Variants in USP42 observed in about 807,000 individuals in gnomAD.
USP42 encodes the protein ubiquitin specific peptidase 42.
USP42 carries 23 observed loss-of-function variants against 113.0 expected under a neutral mutation model. The ratio of observed to expected loss-of-function variants is 0.20; its 90% CI spans 0.15 to 0.29. The LOEUF (loss-of-function observed/expected upper bound fraction) is 0.29, where lower values mean the gene tolerates loss of function less well. Among genes scored for constraint, USP42 ranks in the 10% least tolerant of loss-of-function variants. The pLI is 1.00. For missense variants in USP42, 2,174 were observed against 1,779.8 expected, an observed-to-expected ratio of 1.22 and a Z score of -3.99; for synonymous variants, 933 against 699.0, an observed-to-expected ratio of 1.33 and a Z score of -5.28.
At chr7:6,130,711 G>A (rs1396403425) in intron 3 of USP42, among the ~76,000 whole-genome samples, 1 of 152,162 alleles carries the variant, frequency 6.6e-6, no homozygotes, top group African/African-American at 2.4e-5. Context: ...CTTCTGTGAT[G>A]TTTTAATGTC....
chr7:6,139,911 C>T lies in USP42; in HGVS notation c.657-217C>T. The T allele has an allele frequency of 3.4e-6, 2 of 586,866 alleles. No homozygotes were observed. The highest frequency in any genetic ancestry group is 2.0e-5 in the South Asian group (1 of 49,524). 36.4% of individuals were successfully genotyped at this position (586,866 alleles called of 1,614,324 possible). A position where few individuals can be genotyped will look rare whatever the true frequency, so the allele number is the denominator to read the frequency against. ...GTCCCTTCCTGACAGACACAGCTCC[C>T]ACAGCTCTGCGTCTCCTCCCGCCAC... On this transcript the variant is annotated intron_variant, in intron 5 of 17. Transcript: ENST00000306177. This position sits in a 1 kb window ranked among gnomAD's most constrained non-coding sequence, Gnocchi z 4.5.
rs748019396 is a variant in USP42 at position 6,154,370 on chromosome 7, A to G, written c.2816A>G (p.Lys939Arg). The G allele has an allele frequency of 6.3e-6, 10 of 1,576,400 alleles. No homozygotes were observed. Among genetic ancestry groups the G allele is most frequent in the African/African-American group, 1.4e-5 (1 of 73,890 alleles). ...APKAPGPSPA[K>R]EKIGSLRKVD... ...AAAGCCCCAGGCCCTTCCCCAGCGAAGGAGAAAATCGGCAGCCTCAGAAAG... is the reference window on the plus strand; with the variant it reads ...AAAGCCCCAGGCCCTTCCCCAGCGAGGGAGAAAATCGGCAGCCTCAGAAAG... The change falls in exon 15 of 18, where the codon AAG (lysine) becomes AGG (arginine). Residue 939 changes from lysine to arginine, a missense_variant. Lys to Arg is a conservative substitution (Grantham distance 26). Coordinates refer to ENST00000306177, the MANE Select transcript of USP42 (RefSeq NM_032172.3).
chr7:6,114,654 GTGTATA>G lies in USP42; in HGVS notation c.242-667_242-662del, dbSNP rs373906321. ...TGTGTGTGTATATATGTATGTGTGT[GTGTATA>G]TATATATATATATATATATTTTTTT... On this transcript the variant is annotated intron_variant, in intron 2 of 17. Coordinates refer to ENST00000306177, the MANE Select transcript of USP42 (RefSeq NM_032172.3). Among the ~76,000 whole-genome samples, 392 of 69,234 alleles carry G rather than the reference GTGTATA, an allele frequency of 5.7e-3. 8 individuals are homozygous for G. Among genetic ancestry groups the G allele is most frequent in the African/African-American group, 9.5e-3 (114 of 11,942 alleles). 45.4% of individuals were successfully genotyped at this position (69,234 alleles called of 152,430 possible). A position where few individuals can be genotyped will look rare whatever the true frequency, so the allele number is the denominator to read the frequency against.
rs554435551 is a variant in USP42, at chr7:6,160,944, A to T, written c.*426A>T. The T allele has an allele frequency of 9.2e-5, 14 of 152,758 alleles. No individual in the cohort carries two copies. Among genetic ancestry groups the T allele is most frequent in the African/African-American group, 3.4e-4 (14 of 41,592 alleles). 9.5% of individuals were successfully genotyped at this position (152,758 alleles called of 1,614,324 possible). ...GTACAAACTGACAGTGTGTATATTT[A>T]ATTTAAAGACTTATTTAAAAACTCA... On this transcript the variant is annotated 3_prime_UTR_variant, in exon 18 of 18. Coordinates refer to ENST00000306177, the MANE Select transcript of USP42 (RefSeq NM_032172.3).
chr7:6,092,859 A>T, the USP42 span, among the ~76,000 whole-genome samples: 9 of 151,214 alleles, frequency 6.0e-5, no homozygotes. Flanking sequence ...TTAATGTCTT[A>T]TGTTGGTGTG....
Position 6,154,706 on chromosome 7 carries a change from C to T in USP42, c.3152C>T (p.Pro1051Leu), listed in dbSNP as rs560027095. The change falls in exon 15 of 18, where the codon CCC becomes CTC. Residue 1051 changes from proline to leucine, a missense_variant. Physicochemically the swap from Pro to Leu is moderately conservative, Grantham distance 98 (BLOSUM62 -3). Coordinates refer to ENST00000306177, the MANE Select transcript of USP42 (RefSeq NM_032172.3). ...GGCTGGGGCCGGGAGAAGTTCTACC[C>T]CGACAGGCCGCGCTGGGACAGGTGC... ...ERGWGREKFY[P>L]DRPRWDRCRY... The T allele has an allele frequency of 1.5e-5, 24 of 1,598,798 alleles. No homozygotes were observed. The highest frequency in any genetic ancestry group is 2.0e-5 in the Non-Finnish European group (24 of 1,173,894).
chr7:6,113,627 T>C (rs1779721269), intron 2 of USP42, among the ~76,000 whole-genome samples: 1 of 152,060 alleles, frequency 6.6e-6, no homozygotes, highest in Non-Finnish European at 1.5e-5. Context: ...GTTTTTGTTT[T>C]TGTTTTTTTT....
At chr7:6,092,056 T>C in the USP42 span, among the ~76,000 whole-genome samples, 13 of 62,878 alleles carry the variant, frequency 2.1e-4, no homozygotes, top group East Asian at 1.2e-3. Context: ...TCTTCTTCTT[T>C]CTTCTTCTTC....
At chr7:6,092,575 A>G in the USP42 span, among the ~76,000 whole-genome samples, 3 of 151,260 alleles carry the variant, frequency 2.0e-5, no homozygotes, top group African/African-American at 7.4e-5. Flanking sequence ...TACCTTCCTC[A>G]TTTGAGGCAT....
chr7:6,119,781 G>T (rs1167562300), intron 3 of USP42, among the ~76,000 whole-genome samples: 1 of 151,830 alleles, frequency 6.6e-6, no homozygotes, highest in Non-Finnish European at 1.5e-5. Context: ...AGAGCTCACT[G>T]CAGCCTTGAC....
chr7:6,154,085 G>T lies in USP42; in HGVS notation c.2531G>T (p.Arg844Leu). ...AAGGGGATGATCGCGGAGGGCCCGC[G>T]GGACTCGGCGTTGGCGGAAGCCCCG... The part of the protein sequence containing the change: ...DAKGMIAEGP[R>L]DSALAEAPEG... The change falls in exon 15 of 18, where the codon CGG (arginine) becomes CTG (leucine). Residue 844 changes from arginine to leucine, a missense_variant. Transcript: ENST00000306177. 1 of 1,605,692 alleles carries T rather than the reference G, an allele frequency of 6.2e-7. No individual in the cohort carries two copies. Among genetic ancestry groups the T allele is most frequent in the Non-Finnish European group, 8.5e-7 (1 of 1,179,066 alleles).
At chr7:6,152,000 A>T (rs1352515553) in intron 14 of USP42, among the ~76,000 whole-genome samples, 1 of 152,220 alleles carries the variant, frequency 6.6e-6, no homozygotes, top group Non-Finnish European at 1.5e-5. Flanking sequence ...AAGGATTCTG[A>T]AATTATAGAT....
In USP42 at chr7:6,154,496, G is replaced by GCCGCACCTGCCC. The variant is rs1562856785; in HGVS notation, c.2946_2957dup (p.Thr983_Arg986dup). ...ACTGAGGGCCACCGTCACCGGCGGC[G>GCCGCACCTGCCC]CCGCACCTGCCCCCGGGAGCGCGAC... On this transcript the variant is annotated inframe_insertion, in exon 15 of 18. Transcript: ENST00000306177. 1 of 1,544,322 alleles carries GCCGCACCTGCCC rather than the reference G, an allele frequency of 6.5e-7. No homozygotes were observed. Among genetic ancestry groups the GCCGCACCTGCCC allele is most frequent in the Admixed American group, 2.0e-5 (1 of 50,816 alleles).
At chr7:6,148,444 C>T (rs1371638256) in intron 12 of USP42, among the ~76,000 whole-genome samples, 1 of 152,222 alleles carries the variant, frequency 6.6e-6, no homozygotes, top group African/African-American at 2.4e-5. Context: ...TTTAGGTCCC[C>T]TCTGGACTTC....
the USP42 span, among the ~76,000 whole-genome samples, chr7:6,098,377 G>A: frequency 6.7e-6 from 1 of 149,838 alleles, no homozygotes; most frequent in African/African-American, 2.5e-5. Context: ...AGGCCCCGTA[G>A]TATCCATTCC....
Position 6,157,399 on chromosome 7 carries a change from A to AT in USP42, c.3943+347dup. 4 of 984,554 alleles carry AT rather than the reference A, an allele frequency of 4.1e-6. No homozygotes were observed. Among genetic ancestry groups the AT allele is most frequent in the African/African-American group, 1.7e-5 (1 of 57,376 alleles). The allele number at this position is 984,554 out of a possible 1,614,324, so 61.0% of individuals were successfully genotyped here. On this transcript the variant is annotated intron_variant, in intron 16 of 17. Transcript: ENST00000306177. This position sits in a 1 kb window ranked among gnomAD's most constrained non-coding sequence, Gnocchi z 4.1. ...GTTTGGTTTTATTTTATTTTATTTTATTTATTTTATTTTTTGAGACGGAGT... is the reference window on the plus strand; with the variant it reads ...GTTTGGTTTTATTTTATTTTATTTTATTTTATTTTATTTTTTGAGACGGAGT...
chr7:6,125,007 C>T (rs950276332), intron 3 of USP42, among the ~76,000 whole-genome samples: 3 of 149,794 alleles, frequency 2.0e-5, no homozygotes, highest in African/African-American at 7.4e-5. Context: ...ATAGCAAAAC[C>T]CCGTCTCTAC....
Position 6,154,600 on chromosome 7 carries a change from A to C in USP42, c.3046A>C (p.Arg1016=), listed in dbSNP as rs1224541333. The C allele has an allele frequency of 4.4e-6, 7 of 1,584,474 alleles. No homozygotes were observed. The highest frequency in any genetic ancestry group is 2.7e-5 in the African/African-American group (2 of 74,328). Residue 1016 remains arginine, a synonymous_variant, in exon 15 of 18, where the codon AGG becomes CGG. Coordinates refer to ENST00000306177, the MANE Select transcript of USP42 (RefSeq NM_032172.3). Reference sequence around the variant, plus strand: ...CCCTGGCGAGCGCCGCTCTCTGGGCAGGTGCAGTCACCACCACTCCCGACA... The same window carrying C: ...CCCTGGCGAGCGCCGCTCTCTGGGCCGGTGCAGTCACCACCACTCCCGACA... ...LSPGERRSLG[R]CSHHHSRHRS...
At chr7:6,155,323 T>C in intron 15 of USP42, 128 bp downstream of exon 15, 5 of 1,386,220 alleles carry the variant, frequency 3.6e-6, no homozygotes, top group Non-Finnish European at 4.7e-6. Flanking sequence ...ATTTGTGTCT[T>C]TCATTTCTGT....
Sources: allele counts gnomAD v4.1 joint callset (sites outside exome capture counted in the v4.1 genomes callset), GRCh38; gene constraint gnomAD v4.1.1; non-coding constraint Gnocchi (gnomAD v3.1); transcripts MANE v1.5; gene names NCBI Gene and HGNC (gene_info 2026-07-23, HGNC 2026-07-21).